The following DOCK9 variants were observed in gnomAD, a reference collection of about 807,000 sequenced individuals.
DOCK9 encodes the protein dedicator of cytokinesis 9.
In DOCK9, 89 loss-of-function variants were observed where a neutral mutation model predicts 263.3. That is an observed-to-expected ratio of 0.34 (90% CI 0.28 to 0.40). The LOEUF (loss-of-function observed/expected upper bound fraction) is 0.40. Among genes scored for constraint, DOCK9 ranks in the 10% least tolerant of loss-of-function variants. The probability of loss-of-function intolerance (pLI) is 1.00; values close to 1 mark genes in which losing one functional copy is unlikely to be tolerated. For synonymous variants in DOCK9, 976 were observed against 973.1 expected (o/e 1.00, Z -0.06); for missense variants, 2,140 against 2,603.4 (o/e 0.82, Z 3.87).
chr13:98,924,159 C>T (rs1421392395), intron 4 of DOCK9, among the ~76,000 whole-genome samples: 1 of 152,146 alleles, frequency 6.6e-6, no homozygotes, highest in South Asian at 2.1e-4. Flanking sequence ...TAAAAAATCC[C>T]TAAGGGAGGA....
At chr13:98,932,688 T>A (rs2054162425) in intron 2 of DOCK9, among the ~76,000 whole-genome samples, 1 of 152,222 alleles carries the variant, frequency 6.6e-6, no homozygotes, top group South Asian at 2.1e-4. Flanking sequence ...CTCTCTGTTG[T>A]GTCTGCTTCA....
chr13:98,898,113 T>C (rs2047705615), intron 14 of DOCK9, 66 bp downstream of exon 14: 5 of 1,066,360 alleles, frequency 4.7e-6, no homozygotes, highest in South Asian at 2.8e-5. Context: ...ACAAACAGAA[T>C]AGGCCTATTG....
intron 37 of DOCK9, among the ~76,000 whole-genome samples, chr13:98,848,070 A>G (rs1172736298): frequency 6.6e-6 from 1 of 152,244 alleles, no homozygotes; most frequent in Non-Finnish European, 1.5e-5. Flanking sequence ...AAGAGTAGGA[A>G]GAGAAAAGGC....
chr13:98,807,527 A>G, intron 48 of DOCK9, 134 bp downstream of exon 48: 1 of 771,716 alleles, frequency 1.3e-6, no homozygotes, highest in Non-Finnish European at 1.8e-6. Context: ...TCAGGAAGAA[A>G]ATACACCTGC....
At chr13:98,804,605 C>T (rs997821699) in intron 49 of DOCK9, among the ~76,000 whole-genome samples, 1 of 152,074 alleles carries the variant, frequency 6.6e-6, no homozygotes, top group African/African-American at 2.4e-5. Context: ...CATGCTAGAA[C>T]CTGAGACAGG....
chr13:98,885,885 A>G (rs1297166487), intron 19 of DOCK9, 54 bp from the exon 20 acceptor site: 58 of 1,546,904 alleles, frequency 3.7e-5, no homozygotes, highest in Non-Finnish European at 4.8e-5. Context: ...AGAAACTCTC[A>G]GTGGAAGCAG....
At chr13:98,899,487 T>C (rs1318576086) in intron 13 of DOCK9, among the ~76,000 whole-genome samples, 2 of 152,186 alleles carry the variant, frequency 1.3e-5, no homozygotes, top group African/African-American at 2.4e-5. Context: ...ATGAGTAACC[T>C]GGAAAATACA....
intron 9 of DOCK9, 120 bp from the exon 10 acceptor site, chr13:98,904,826 G>T: frequency 2.5e-6 from 2 of 791,918 alleles, no homozygotes; most frequent in Non-Finnish European, 4.0e-6. Flanking sequence ...TCTGCCTCGT[G>T]TTGGAGAGCC....
intron 32 of DOCK9, among the ~76,000 whole-genome samples, chr13:98,860,823 G>A (rs1368345840): frequency 7.2e-5 from 11 of 152,066 alleles, no homozygotes; most frequent in Non-Finnish European, 1.0e-4. Context: ...GAGCTCGGAC[G>A]CCCAACATTT....
At chr13:98,992,627 T>C (rs575464234) in intron 1 of DOCK9, among the ~76,000 whole-genome samples, 158 of 152,214 alleles carry the variant, frequency 1.0e-3, no homozygotes, top group African/African-American at 3.6e-3. Flanking sequence ...AAAAGGGAGT[T>C]CCCCAGCACA....
At chr13:98,927,173 G>A (rs896999778) in intron 3 of DOCK9, among the ~76,000 whole-genome samples, 4 of 152,242 alleles carry the variant, frequency 2.6e-5, no homozygotes, top group African/African-American at 9.6e-5. Flanking sequence ...TTTGGAGCTG[G>A]CAAACTTTTT....
chr13:98,793,476 C>A lies in DOCK9; in HGVS notation c.*1150G>T, dbSNP rs1353732007. 1.3e-5 allele frequency: 2 copies of A among 152,556 alleles called. No individual in the cohort carries two copies. The highest frequency in any genetic ancestry group is 2.9e-5 in the Non-Finnish European group (2 of 68,046). The allele number at this position is 152,556 out of a possible 1,614,324, so 9.5% of individuals were successfully genotyped here. ...GGACTGCTGAACAATAAACACCCAG[C>A]AGCCACCCCAAATGGTCAGCAATGT... On this transcript the variant is annotated 3_prime_UTR_variant, in exon 53 of 53. Transcript: ENST00000682017.
intron 39 of DOCK9, among the ~76,000 whole-genome samples, chr13:98,835,045 G>C (rs1169505179): frequency 6.6e-6 from 1 of 152,230 alleles, no homozygotes; most frequent in Non-Finnish European, 1.5e-5. Flanking sequence ...AGGCAGAGCT[G>C]TTGTGAAGAT....
At chr13:98,922,252 A>G (rs1595347746) in intron 5 of DOCK9, 106 bp from the exon 6 acceptor site, 8 of 759,060 alleles carry the variant, frequency 1.1e-5, no homozygotes, top group Admixed American at 8.6e-5. Flanking sequence ...CAAGTTGTCC[A>G]TTGCCCCTTT....
chr13:98,823,280 C>G (rs1045976797), intron 45 of DOCK9, among the ~76,000 whole-genome samples: 1 of 152,122 alleles, frequency 6.6e-6, no homozygotes, highest in Non-Finnish European at 1.5e-5. Context: ...GAAAACCCAG[C>G]CTCATAGACA....
At position 98,826,849 on chromosome 13, in the gene DOCK9, T is replaced by G. The variant is rs532785135; in HGVS notation, c.5004A>C (p.Ala1668=). ...CCTTACCTTTCCGTGTGAGATATTC[T>G]GCCACTAGGGCTGTTACGTGGACAT... ...MCYVHVTALV[A]EYLTRKGVFR... The change falls in exon 44 of 53, where the codon GCA becomes GCC. Residue 1668 remains alanine (A), a synonymous_variant. Coordinates refer to ENST00000682017, the MANE Select transcript of DOCK9 (RefSeq NM_001366683.2). The G allele has an allele frequency of 2.0e-5, 33 of 1,610,732 alleles. 1 individual carries two copies. In the South Asian group the frequency reaches 3.4e-4, roughly 17 times the overall value.
At chr13:98,954,289 T>A (rs1291163146) in intron 2 of DOCK9, among the ~76,000 whole-genome samples, 1 of 147,648 alleles carries the variant, frequency 6.8e-6, no homozygotes, top group African/African-American at 2.5e-5. Context: ...AGGGCTTAAA[T>A]GGTAACAGCA....
intron 10 of DOCK9, among the ~76,000 whole-genome samples, chr13:98,903,491 G>A (rs1447435191): frequency 1.3e-5 from 2 of 151,768 alleles, no homozygotes; most frequent in African/African-American, 4.8e-5. Context: ...CTACTCGGGA[G>A]GCTGAGGCTG....
chr13:99,086,480 C>G (rs982860691), exon 1 of DOCK9: 9 of 543,012 alleles, frequency 1.7e-5, no homozygotes, highest in African/African-American at 2.1e-5. Context: ...GCCTGCTCCC[C>G]CCGCTGCTCG....
Sources: allele counts gnomAD v4.1 joint callset (sites outside exome capture counted in the v4.1 genomes callset), GRCh38; gene constraint gnomAD v4.1.1; transcripts MANE v1.5; gene names NCBI Gene and HGNC (gene_info 2026-07-23, HGNC 2026-07-21).